Variants in ZBTB20 observed in about 807,000 individuals in gnomAD.
ZBTB20 encodes zinc finger and BTB domain containing 20.
Under a neutral mutation model 56.9 loss-of-function variants are expected in ZBTB20, and 9 were observed. That is an observed-to-expected ratio of 0.16 (90% CI 0.10 to 0.28). ZBTB20 has a LOEUF of 0.28. Among genes scored for constraint, ZBTB20 ranks in the 10% least tolerant of loss-of-function variants. The pLI is 1.00. For missense variants in ZBTB20, 655 were observed against 1,003.0 expected (o/e 0.65, Z 4.69); for synonymous variants, 417 against 420.7 (o/e 0.99, Z 0.11).
intron 6 of ZBTB20, among the ~76,000 whole-genome samples, chr3:114,613,864 G>A (rs572659059): frequency 6.6e-6 from 1 of 152,126 alleles, no homozygotes; most frequent in East Asian, 1.9e-4. Context: ...TAATGGTAAT[G>A]ATGATAACAG....
chr3:114,471,486 G>C (rs2040121675), intron 7 of ZBTB20, among the ~76,000 whole-genome samples: 1 of 152,232 alleles, frequency 6.6e-6, no homozygotes, highest in African/African-American at 2.4e-5. Flanking sequence ...AGGAATTGGA[G>C]TGGGAACAGA....
chr3:114,607,925 G>A (rs1452406179), intron 6 of ZBTB20, among the ~76,000 whole-genome samples: 1 of 152,130 alleles, frequency 6.6e-6, no homozygotes, highest in African/African-American at 2.4e-5. Flanking sequence ...TGTACAGCTA[G>A]TATAATTACA....
At chr3:114,926,352 T>C (rs1035879572) in intron 3 of ZBTB20, among the ~76,000 whole-genome samples, 1 of 152,240 alleles carries the variant, frequency 6.6e-6, no homozygotes, top group Non-Finnish European at 1.5e-5. Flanking sequence ...CAGAGTTGTA[T>C]TGTGTTTTGT....
At chr3:114,445,428 CT>C (rs1214866051) in intron 7 of ZBTB20, 2 of 152,184 alleles carry the variant, frequency 1.3e-5, no homozygotes, top group Admixed American at 1.3e-4. Flanking sequence ...ACTGAGTTCA[CT>C]CTTACTGATG....
chr3:114,503,573 C>T (rs2044254671), intron 6 of ZBTB20, among the ~76,000 whole-genome samples: 1 of 152,040 alleles, frequency 6.6e-6, no homozygotes, highest in Non-Finnish European at 1.5e-5. Context: ...ATCTGAAATG[C>T]AAAGAATTAT....
chr3:114,709,102 A>C (rs2063890218), intron 5 of ZBTB20, among the ~76,000 whole-genome samples: 2 of 152,158 alleles, frequency 1.3e-5, no homozygotes, highest in African/African-American at 4.8e-5. Flanking sequence ...TAAACAAATA[A>C]AAAATCTTAT....
chr3:114,575,680 C>T (rs1029948697), intron 6 of ZBTB20, among the ~76,000 whole-genome samples: 7 of 151,892 alleles, frequency 4.6e-5, no homozygotes, highest in African/African-American at 1.7e-4. Flanking sequence ...GGGCTGTCAT[C>T]CATTTAATAT....
intron 6 of ZBTB20, among the ~76,000 whole-genome samples, chr3:114,577,918 CAAAACCTGTAAAA>C (rs1372365177): frequency 6.6e-6 from 1 of 152,072 alleles, no homozygotes; most frequent in African/African-American, 2.4e-5. Flanking sequence ...ACAAACAAAA[CAAAACCTGTAAAA>C]CAAAATTCTA....
chr3:114,940,184 T>C (rs1172097587), intron 3 of ZBTB20, among the ~76,000 whole-genome samples: 1 of 145,884 alleles, frequency 6.9e-6, no homozygotes, highest in African/African-American at 2.8e-5. Flanking sequence ...TGAGAAAGGG[T>C]ATGTTTTGGC....
chr3:114,622,705 C>T (rs965036201), intron 6 of ZBTB20, among the ~76,000 whole-genome samples: 7 of 152,172 alleles, frequency 4.6e-5, no homozygotes, highest in African/African-American at 1.7e-4. Flanking sequence ...CGCTGGATCG[C>T]TGTACCTACT....
intron 1 of ZBTB20, among the ~76,000 whole-genome samples, chr3:115,104,033 G>C (rs1308228319): frequency 6.6e-6 from 1 of 152,136 alleles, no homozygotes; most frequent in Admixed American, 6.5e-5. Context: ...TTAAAAATGG[G>C]CAGAAGACTT....
chr3:115,046,451 G>A (rs999214752), intron 2 of ZBTB20, among the ~76,000 whole-genome samples: 1 of 152,122 alleles, frequency 6.6e-6, no homozygotes, highest in African/African-American at 2.4e-5. Context: ...TTGGGTAAAA[G>A]TCATGTTCTC....
chr3:114,400,940 T>C (rs530778617), intron 7 of ZBTB20, among the ~76,000 whole-genome samples: 1 of 152,222 alleles, frequency 6.6e-6, no homozygotes, highest in Non-Finnish European at 1.5e-5. Context: ...TCTGTCTCGT[T>C]TGGAGGTGGT....
intron 1 of ZBTB20, among the ~76,000 whole-genome samples, chr3:115,117,376 T>C (rs563747817): frequency 1.6e-4 from 25 of 152,266 alleles, no homozygotes; most frequent in African/African-American, 6.0e-4. Context: ...GTGTAACCTA[T>C]ACCACTTTGA....
At chr3:114,599,263 G>A (rs9869646) in intron 6 of ZBTB20, 23,735 of 151,946 alleles carry the variant, frequency 0.16, 2,058 homozygotes, top group Admixed American at 0.26. Flanking sequence ...AAATAGTTTC[G>A]TGAGGACTCA....
chr3:115,135,097 T>C (rs2084619211), intron 1 of ZBTB20, among the ~76,000 whole-genome samples: 1 of 152,216 alleles, frequency 6.6e-6, no homozygotes, highest in East Asian at 1.9e-4. Flanking sequence ...CCAATGTCTA[T>C]TGCTTTCTCA....
chr3:114,983,410 T>C (rs1273309292), intron 2 of ZBTB20, among the ~76,000 whole-genome samples: 1 of 151,970 alleles, frequency 6.6e-6, no homozygotes, highest in Non-Finnish European at 1.5e-5. Flanking sequence ...TGATATATAA[T>C]TACACCGAGG....
intron 3 of ZBTB20, among the ~76,000 whole-genome samples, chr3:114,951,113 C>A (rs1262880486): frequency 6.6e-6 from 1 of 151,986 alleles, no homozygotes; most frequent in African/African-American, 2.4e-5. Context: ...TGAATATGTT[C>A]ACTTTGTGAA....
chr3:114,959,174 A>G (rs2077354582), intron 3 of ZBTB20, among the ~76,000 whole-genome samples: 1 of 152,208 alleles, frequency 6.6e-6, no homozygotes, highest in Non-Finnish European at 1.5e-5. Context: ...AACACACTAA[A>G]GAGTGTTTTT....
Sources: allele counts gnomAD v4.1 joint callset (sites outside exome capture counted in the v4.1 genomes callset), GRCh38; gene constraint gnomAD v4.1.1; transcripts MANE v1.5; gene names NCBI Gene and HGNC (gene_info 2026-07-23, HGNC 2026-07-21).